The following IMMP2L variants were observed in gnomAD, a reference collection of about 807,000 sequenced individuals.
IMMP2L encodes inner mitochondrial membrane peptidase subunit 2.
IMMP2L carries 18 observed loss-of-function variants against 19.3 expected under a neutral mutation model. That is an observed-to-expected ratio of 0.93 (90% CI 0.64 to 1.38). IMMP2L has a LOEUF of 1.38. IMMP2L is among the 40% of genes most tolerant of loss of function. The pLI is 0.00. For synonymous variants in IMMP2L, 76 were observed against 73.0 expected (o/e 1.04, Z -0.21); for missense variants, 233 against 218.2 (o/e 1.07, Z -0.43).
intron 3 of IMMP2L, among the ~76,000 whole-genome samples, chr7:111,407,195 A>G (rs979516010): frequency 2.6e-5 from 4 of 152,050 alleles, no homozygotes; most frequent in Admixed American, 1.3e-4. Context: ...ACCCTCATAC[A>G]CTGCTCATGG....
chr7:110,718,986 G>A (rs1053288447), intron 5 of IMMP2L, among the ~76,000 whole-genome samples: 3 of 152,134 alleles, frequency 2.0e-5, no homozygotes, highest in African/African-American at 7.2e-5. Flanking sequence ...TAATATTCTA[G>A]ACATGCATGT....
At chr7:111,164,981 C>T (rs1805666772) in intron 3 of IMMP2L, among the ~76,000 whole-genome samples, 1 of 152,018 alleles carries the variant, frequency 6.6e-6, no homozygotes, top group African/African-American at 2.4e-5. Context: ...AGTACATTCA[C>T]ATTGTTCTGT....
intron 3 of IMMP2L, among the ~76,000 whole-genome samples, chr7:111,466,614 A>G (rs776215581): frequency 6.6e-6 from 1 of 152,168 alleles, no homozygotes; most frequent in Non-Finnish European, 1.5e-5. Flanking sequence ...GTGTATTTAT[A>G]TAAGTACATT....
At chr7:110,695,027 G>C (rs188144430) in intron 5 of IMMP2L, among the ~76,000 whole-genome samples, 97 of 152,270 alleles carry the variant, frequency 6.4e-4, no homozygotes, top group African/African-American at 2.3e-3. Flanking sequence ...CACAGAGATA[G>C]AATGTACATT....
chr7:111,147,823 T>C (rs923553885), intron 3 of IMMP2L, among the ~76,000 whole-genome samples: 3 of 152,090 alleles, frequency 2.0e-5, no homozygotes, highest in Non-Finnish European at 2.9e-5. Context: ...TTTTCAGAAT[T>C]CCAAAAGTTA....
At chr7:111,460,288 T>C (rs923761496) in intron 3 of IMMP2L, among the ~76,000 whole-genome samples, 1 of 152,140 alleles carries the variant, frequency 6.6e-6, no homozygotes, top group Non-Finnish European at 1.5e-5. Flanking sequence ...TAAATGCTAT[T>C]AGATAAGGAA....
intron 3 of IMMP2L, among the ~76,000 whole-genome samples, chr7:111,049,627 T>C (rs982536513): frequency 6.6e-6 from 1 of 152,208 alleles, no homozygotes; most frequent in Admixed American, 6.5e-5. Context: ...TTCTTAAAAG[T>C]GTACGTAGCA....
At chr7:110,896,006 G>A (rs571648143) in intron 4 of IMMP2L, among the ~76,000 whole-genome samples, 2 of 152,146 alleles carry the variant, frequency 1.3e-5, no homozygotes, top group East Asian at 3.9e-4. Flanking sequence ...AAATGTTTTA[G>A]AGATGGTGTC....
intron 3 of IMMP2L, among the ~76,000 whole-genome samples, chr7:111,433,170 G>A (rs1056173882): frequency 4.6e-5 from 7 of 151,674 alleles, no homozygotes; most frequent in Non-Finnish European, 1.0e-4. Flanking sequence ...CATGGCAGCA[G>A]GAGACAGAAT....
chr7:111,008,662 G>A (rs905579862), intron 3 of IMMP2L, among the ~76,000 whole-genome samples: 3 of 151,550 alleles, frequency 2.0e-5, no homozygotes, highest in African/African-American at 7.3e-5. Context: ...AAAAAAATCT[G>A]TAATTTTCAT....
Position 110,760,043 on chromosome 7 carries a change from C to T in IMMP2L, c.409-96322G>A, listed in dbSNP as rs1225484593. ...TTTCTCCCCACAATGCCAGTTAAGC[C>T]TTCCATTTAATATGAAATCAAGTGG... is the stretch of plus-strand genomic sequence containing the variant. On this transcript the variant is annotated intron_variant, in intron 5 of 5. Coordinates refer to ENST00000405709, the MANE Select transcript of IMMP2L (RefSeq NM_032549.4). The surrounding 1 kb of genome is among the most constrained non-coding windows in gnomAD (Gnocchi z 4.2). Among the ~76,000 whole-genome samples the T allele has an allele frequency of 6.6e-6, 1 of 152,126 alleles. No individual in the cohort carries two copies. The highest frequency in any genetic ancestry group is 1.9e-4 in the East Asian group (1 of 5,176).
intron 4 of IMMP2L, among the ~76,000 whole-genome samples, chr7:110,961,755 A>G (rs1406558094): frequency 1.3e-5 from 2 of 151,946 alleles, no homozygotes; most frequent in East Asian, 3.9e-4. Context: ...TAACATGCAC[A>G]ATATAGAGAA....
chr7:111,022,888 T>A (rs967741462), intron 3 of IMMP2L, among the ~76,000 whole-genome samples: 2 of 148,290 alleles, frequency 1.3e-5, no homozygotes, highest in African/African-American at 5.0e-5. Flanking sequence ...TTCTTTTTTT[T>A]ATGGGAAAAT....
intron 3 of IMMP2L, among the ~76,000 whole-genome samples, chr7:111,056,127 A>G (rs1396736506): frequency 6.6e-6 from 1 of 152,224 alleles, no homozygotes; most frequent in Non-Finnish European, 1.5e-5. Flanking sequence ...TATATCTCTG[A>G]GTATATTCAT....
At chr7:111,236,011 C>G (rs1448833853) in intron 3 of IMMP2L, among the ~76,000 whole-genome samples, 3 of 152,096 alleles carry the variant, frequency 2.0e-5, no homozygotes, top group Non-Finnish European at 2.9e-5. Flanking sequence ...ACATTCATCT[C>G]TAGAATATAG....
rs751182558 is a variant in IMMP2L at position 110,963,551 on chromosome 7, G to T, written c.254C>A (p.Pro85Gln). ...DIVSLVSPKN[P>Q]EQKIIKRVIA... Reference sequence around the variant, plus strand: ...CACTCTCTTAATGATCTTCTGTTCTGGGTTTTTAGGAGACCTAGAACAAGA... The same window carrying T: ...CACTCTCTTAATGATCTTCTGTTCTTGGTTTTTAGGAGACCTAGAACAAGA... Residue 85 changes from proline (P) to glutamine (Q), a missense_variant, in exon 4 of 6, where the codon CCA (proline) becomes CAA (glutamine). By Grantham distance (76) the Pro-to-Gln change is moderately conservative (BLOSUM62 -1). Transcript: ENST00000405709. 1.3e-6 allele frequency: 2 copies of T among 1,593,134 alleles called. No individual in the cohort carries two copies. Among genetic ancestry groups the T allele is most frequent in the Non-Finnish European group, 8.6e-7 (1 of 1,163,456 alleles).
rs533399299 is a variant in IMMP2L, at chr7:110,864,152, T to C, written c.408+22441A>G. On this transcript the variant is annotated intron_variant, in intron 5 of 5. Coordinates refer to ENST00000405709, the MANE Select transcript of IMMP2L (RefSeq NM_032549.4). The stretch of plus-strand genomic sequence containing the variant: ...ACCCGTTCCATGTTTCAAAAGTTTC[T>C]AATGTCTTGCATTATACTTATGATA... Among the ~76,000 whole-genome samples, 9 of 152,272 alleles carry C rather than the reference T, an allele frequency of 5.9e-5. No homozygotes were observed. The South Asian group carries it at 1.7e-3, about 28-fold the overall frequency.
chr7:111,397,017 G>A (rs971381064), intron 3 of IMMP2L, among the ~76,000 whole-genome samples: 6 of 152,032 alleles, frequency 3.9e-5, no homozygotes, highest in African/African-American at 1.4e-4. Context: ...GAACCAGGGA[G>A]GCAGAGCTTG....
chr7:111,164,609 A>C (rs1490635566), intron 3 of IMMP2L, among the ~76,000 whole-genome samples: 1 of 152,090 alleles, frequency 6.6e-6, no homozygotes, highest in Non-Finnish European at 1.5e-5. Context: ...GTACACAGTG[A>C]CCTAATAACG....
Sources: allele counts gnomAD v4.1 joint callset (sites outside exome capture counted in the v4.1 genomes callset), GRCh38; gene constraint gnomAD v4.1.1; non-coding constraint Gnocchi (gnomAD v3.1); transcripts MANE v1.5; gene names NCBI Gene and HGNC (gene_info 2026-07-23, HGNC 2026-07-21).